The following C8B variants were observed in gnomAD, a reference collection of about 807,000 sequenced individuals.
The protein encoded by C8B is complement component C8 beta chain.
In C8B, 67 loss-of-function variants were observed where a neutral mutation model predicts 64.6. The observed-to-expected ratio is 1.04, with a 90% confidence interval of 0.85 to 1.27. The LOEUF (loss-of-function observed/expected upper bound fraction) is 1.27. C8B is among the 50% of genes most tolerant of loss of function. C8B has a pLI of 0.00. For synonymous variants in C8B, 284 were observed against 257.7 expected (o/e 1.10, Z -0.98); for missense variants, 790 against 725.2 (o/e 1.09, Z -1.03).
At chr1:56,943,932 G>C (rs41286850) in intron 7 of C8B, 108 bp from the exon 8 acceptor site, 4 of 1,306,984 alleles carry the variant, frequency 3.1e-6, no homozygotes, top group Admixed American at 3.6e-5. Context: ...ACAAGGACTC[G>C]GGTTCAAATA....
At chr1:56,944,081 G>GAAGT (rs1299663733) in intron 7 of C8B, among the ~76,000 whole-genome samples, 1 of 152,134 alleles carries the variant, frequency 6.6e-6, no homozygotes, top group Non-Finnish European at 1.5e-5. Flanking sequence ...TGAAAGAGGG[G>GAAGT]AAGTGCTCAA....
intron 6 of C8B, among the ~76,000 whole-genome samples, chr1:56,947,469 C>G (rs981189791): frequency 6.6e-6 from 1 of 152,164 alleles, no homozygotes; most frequent in African/African-American, 2.4e-5. Flanking sequence ...CCCTTTTCTG[C>G]CCGACATATA....
chr1:56,929,269 A>G lies in C8B; in HGVS notation c.*135T>C. The G allele has an allele frequency of 2.2e-6, 2 of 891,964 alleles. No homozygotes were observed. Among genetic ancestry groups the G allele is most frequent in the Non-Finnish European group, 3.8e-6 (2 of 532,490 alleles). 55.3% of individuals were successfully genotyped at this position (891,964 alleles called of 1,614,324 possible). ...TTGCATTTTACAAGGTAACATCTTT[A>G]TTTTAAACAGCTTGCATGGCACTGC... On this transcript the variant is annotated 3_prime_UTR_variant, in exon 12 of 12. Transcript: ENST00000371237.
intron 11 of C8B, among the ~76,000 whole-genome samples, chr1:56,929,986 G>T (rs949119675): frequency 5.3e-5 from 8 of 152,094 alleles, no homozygotes; most frequent in African/African-American, 1.7e-4. Context: ...AAATGATATT[G>T]GCCTTCCTTT....
chr1:56,963,819 C>T, intron 1 of C8B: 1 of 973,826 alleles, frequency 1.0e-6, no homozygotes, highest in Middle Eastern at 5.3e-4. Context: ...GTTGCTGGCA[C>T]AGAGTGGCAA....
intron 6 of C8B, among the ~76,000 whole-genome samples, chr1:56,948,067 G>A (rs1477205925): frequency 6.6e-6 from 1 of 152,204 alleles, no homozygotes; most frequent in Non-Finnish European, 1.5e-5. Flanking sequence ...CAGATCCCTA[G>A]TCTATCTCTA....
chr1:56,949,397 A>T (rs537173961), intron 6 of C8B, among the ~76,000 whole-genome samples, 158 bp downstream of exon 6: 1 of 152,268 alleles, frequency 6.6e-6, no homozygotes, highest in East Asian at 1.9e-4. Context: ...GGCCCTCACT[A>T]TATGTGGCAC....
chr1:56,929,539 C>T lies in C8B; in HGVS notation c.1641G>A (p.Lys547=), dbSNP rs777478006. 2.5e-6 allele frequency: 4 copies of T among 1,613,922 alleles called. No individual in the cohort carries two copies. The South Asian group carries it at 4.4e-5, about 18-fold the overall frequency. The change falls in exon 12 of 12, where the codon AAG becomes AAA. Residue 547 remains lysine (K), a synonymous_variant. Coordinates refer to ENST00000371237, the MANE Select transcript of C8B (RefSeq NM_000066.4). ...AAGACCAATTTGACCAGCAATTCCA[C>T]TTCCCATCAATGGGGGTATCTATAA... ...SYRKNTPIDG[K]WNCWSNWSSC...
intron 9 of C8B, among the ~76,000 whole-genome samples, chr1:56,935,473 G>A (rs1004203621): frequency 6.6e-6 from 1 of 152,010 alleles, no homozygotes; most frequent in Non-Finnish European, 1.5e-5. Context: ...TGGATCCTCA[G>A]CACACCTGCC....
At chr1:56,940,722 C>T (rs1004714861) in intron 9 of C8B, 127 bp downstream of exon 9, 46 of 962,086 alleles carry the variant, frequency 4.8e-5, no homozygotes, top group Admixed American at 1.6e-4. Flanking sequence ...TTTCTACTAT[C>T]GTATATGTGT....
intron 11 of C8B, among the ~76,000 whole-genome samples, chr1:56,930,674 T>G (rs1644688144): frequency 6.6e-6 from 1 of 152,186 alleles, no homozygotes; most frequent in Admixed American, 6.5e-5. Flanking sequence ...GTGTGACTAT[T>G]GGGTATGTTA....
chr1:56,964,084 A>T (rs762484484), intron 1 of C8B: 5 of 745,616 alleles, frequency 6.7e-6, no homozygotes, highest in Non-Finnish European at 8.2e-6. Context: ...CTCACCACAC[A>T]TGCGTGAATC....
At chr1:56,940,504 A>T (rs946208345) in intron 9 of C8B, among the ~76,000 whole-genome samples, 1 of 152,056 alleles carries the variant, frequency 6.6e-6, no homozygotes, top group African/African-American at 2.4e-5. Flanking sequence ...CAGGAGTTGG[A>T]GGCTGCAATC....
intron 7 of C8B, among the ~76,000 whole-genome samples, chr1:56,945,564 A>G (rs2101406656): frequency 6.6e-6 from 1 of 152,200 alleles, no homozygotes; most frequent in Admixed American, 6.5e-5. Flanking sequence ...GAAGAGATCC[A>G]GGAATTATCT....
intron 9 of C8B, among the ~76,000 whole-genome samples, chr1:56,940,227 T>G (rs1644831507): frequency 6.6e-6 from 1 of 152,144 alleles, no homozygotes; most frequent in Non-Finnish European, 1.5e-5. Flanking sequence ...ATTGATTAAA[T>G]TTAATTGATT....
rs776093033 is a variant in C8B at position 56,949,573 on chromosome 1, G to T, written c.846C>A (p.Thr282=). 3.7e-6 allele frequency: 6 copies of T among 1,613,486 alleles called. No individual in the cohort carries two copies. The highest frequency in any genetic ancestry group is 4.2e-6 in the Non-Finnish European group (5 of 1,179,634). ...SDRGKHYIRR[T]KRFSHTKSVF... is the part of the protein sequence containing the mutation. Reference sequence around the variant, plus strand: ...TACTTACAGTATGAGAGAATCGTTTGGTTCTCCTAATATAGTGTTTGCCTC... The same window carrying T: ...TACTTACAGTATGAGAGAATCGTTTTGTTCTCCTAATATAGTGTTTGCCTC... The change falls in exon 6 of 12, where the codon ACC becomes ACA. Residue 282 remains threonine, a synonymous_variant. Transcript: ENST00000371237.
At chr1:56,958,239 T>A (rs577236190) in intron 2 of C8B, among the ~76,000 whole-genome samples, 3 of 152,210 alleles carry the variant, frequency 2.0e-5, no homozygotes, top group Non-Finnish European at 2.9e-5. Context: ...TTGGGTGATT[T>A]CCAAAAGTTA....
chr1:56,950,797 A>G (rs1645009393), intron 5 of C8B, among the ~76,000 whole-genome samples: 2 of 152,208 alleles, frequency 1.3e-5, no homozygotes, highest in South Asian at 2.1e-4. Context: ...TTGGGCTTAT[A>G]CTGGTAAGTC....
rs1255874629 is a variant in C8B, at chr1:56,949,769, A to T, written c.667-17T>A. On this transcript the variant is annotated splice_polypyrimidine_tract_variant and intron_variant, in intron 5 of 11. Transcript: ENST00000371237. ...GCCTTGGGTCTAAAGAAGAAAAAAG[A>T]AAGGGTTTTTTATTTCATTTGACTC... is the stretch of plus-strand genomic sequence containing the variant. The T allele has an allele frequency of 1.3e-6, 2 of 1,579,402 alleles. No homozygotes were observed. Among genetic ancestry groups the T allele is most frequent in the African/African-American group, 2.7e-5 (2 of 74,284 alleles).
Sources: gnomAD v4.1 joint callset for allele counts (sites outside exome capture counted in the v4.1 genomes callset) on GRCh38, gnomAD v4.1.1 for gene constraint, MANE v1.5 for transcripts, NCBI Gene and HGNC (gene_info 2026-07-23, HGNC 2026-07-21) for gene names.